Variants in SYT14 observed in about 807,000 individuals in gnomAD.
SYT14 encodes the protein synaptotagmin-14.
SYT14 carries 32 observed loss-of-function variants against 74.2 expected under a neutral mutation model. That is an observed-to-expected ratio of 0.43 (90% CI 0.33 to 0.58). SYT14 has a LOEUF of 0.58. Among genes scored for constraint, SYT14 ranks in the 20% least tolerant of loss-of-function variants. SYT14 has a pLI of 0.05. For synonymous variants in SYT14, 298 were observed against 337.7 expected (o/e 0.88, Z 1.29); for missense variants, 791 against 981.8 (o/e 0.81, Z 2.60).
intron 7 of SYT14, among the ~76,000 whole-genome samples, chr1:210,125,511 G>T (rs2102623600): frequency 6.6e-6 from 1 of 152,284 alleles, no homozygotes; most frequent in South Asian, 2.1e-4. Flanking sequence ...AACTAAGATA[G>T]TATGTTTTTT....
intron 2 of SYT14, among the ~76,000 whole-genome samples, chr1:210,004,889 T>G (rs1015954666): frequency 2.0e-5 from 3 of 152,030 alleles, no homozygotes; most frequent in Non-Finnish European, 4.4e-5. Flanking sequence ...TAGAATGATA[T>G]CATTTTGCAA....
intron 2 of SYT14, among the ~76,000 whole-genome samples, chr1:209,981,215 A>G (rs1461344896): frequency 6.6e-6 from 1 of 151,950 alleles, no homozygotes; most frequent in Admixed American, 6.6e-5. Flanking sequence ...TATAGGGTCT[A>G]TGGGCTATGT....
intron 5 of SYT14, among the ~76,000 whole-genome samples, chr1:210,059,451 T>TATATATATATATATATATATATAGAG (rs377050610): frequency 4.3e-5 from 3 of 69,892 alleles, no homozygotes; most frequent in African/African-American, 1.6e-4. Flanking sequence ...TATATATATA[T>TATATATATATATATATATATATAGAG]AGAGAGAGAG....
chr1:210,166,691 C>T (rs2083459440), exon 10 of SYT14: 1 of 152,088 alleles, frequency 6.6e-6, no homozygotes, highest in Non-Finnish European at 1.5e-5. Context: ...CAAAACTCCA[C>T]CTCCAGAGAT....
At chr1:210,088,782 A>G (rs1455791620) in intron 5 of SYT14, among the ~76,000 whole-genome samples, 1 of 151,904 alleles carries the variant, frequency 6.6e-6, no homozygotes, top group African/African-American at 2.4e-5. Context: ...CCTCCCCCCA[A>G]TATTTTATGC....
chr1:210,141,439 G>A (rs2082912656), intron 7 of SYT14, among the ~76,000 whole-genome samples: 1 of 152,100 alleles, frequency 6.6e-6, no homozygotes, highest in African/African-American at 2.4e-5. Context: ...TTTTCTTCAT[G>A]TGCATTTTAG....
intron 2 of SYT14, among the ~76,000 whole-genome samples, chr1:209,975,091 A>G (rs1484049019): frequency 2.0e-5 from 3 of 152,190 alleles, no homozygotes; most frequent in South Asian, 4.1e-4. Context: ...GAAGTTGCCT[A>G]TCGGCTTAAG....
chr1:210,127,290 A>G (rs766725126), intron 7 of SYT14, among the ~76,000 whole-genome samples: 4 of 152,174 alleles, frequency 2.6e-5, no homozygotes, highest in Non-Finnish European at 5.9e-5. Context: ...GGCTTGAGCA[A>G]TCTATAAGTG....
chr1:210,161,109 A>T (rs1427659774), exon 10 of SYT14: 4 of 1,528,772 alleles, frequency 2.6e-6, no homozygotes, highest in Non-Finnish European at 3.6e-6. Context: ...TACTGTTTCT[A>T]CCAAGTCCCA....
intron 2 of SYT14, among the ~76,000 whole-genome samples, chr1:209,967,907 G>A (rs956364798): frequency 6.6e-6 from 1 of 151,882 alleles, no homozygotes; most frequent in African/African-American, 2.4e-5. Flanking sequence ...TTATCAAGTA[G>A]CACATATCAT....
At chr1:209,942,985 A>G (rs1558082934) in intron 1 of SYT14, among the ~76,000 whole-genome samples, 2 of 152,132 alleles carry the variant, frequency 1.3e-5, no homozygotes, top group African/African-American at 4.8e-5. Context: ...CTACATACAT[A>G]TATTGTATTT....
intron 7 of SYT14, among the ~76,000 whole-genome samples, chr1:210,113,368 A>G (rs896569896): frequency 6.6e-6 from 1 of 151,184 alleles, no homozygotes; most frequent in Non-Finnish European, 1.5e-5. Context: ...GTTTGGCACC[A>G]TGAGGTGGAT....
At chr1:210,101,374 CT>C (rs1401895188) in intron 7 of SYT14, among the ~76,000 whole-genome samples, 1 of 151,954 alleles carries the variant, frequency 6.6e-6, no homozygotes, top group Non-Finnish European at 1.5e-5. Context: ...TTGTTTTGAG[CT>C]TTTAAATGTG....
intron 5 of SYT14, among the ~76,000 whole-genome samples, chr1:210,090,261 T>C (rs73072224): frequency 0.13 from 19,583 of 152,190 alleles, 3,970 homozygotes; most frequent in African/African-American, 0.43. Context: ...TTTATTCTCC[T>C]GCCTCATTTA....
At chr1:210,059,495 T>C (rs1248767559) in intron 5 of SYT14, among the ~76,000 whole-genome samples, 1 of 113,818 alleles carries the variant, frequency 8.8e-6, no homozygotes, top group South Asian at 2.8e-4. Context: ...GAGACATGAA[T>C]AGGATTACAT....
At chr1:210,056,366 G>C (rs1250998605) in intron 5 of SYT14, among the ~76,000 whole-genome samples, 2 of 152,118 alleles carry the variant, frequency 1.3e-5, no homozygotes, top group East Asian at 3.9e-4. Flanking sequence ...TTTCATTAAG[G>C]GGTTCTGTGG....
In SYT14 at chr1:210,021,032, CA is replaced by C; in HGVS notation, c.1097-4del. The C allele has an allele frequency of 6.2e-7, 1 of 1,613,294 alleles. No homozygotes were observed. Among genetic ancestry groups the C allele is most frequent in the Non-Finnish European group, 8.5e-7 (1 of 1,179,454 alleles). ...TTACCGTTTGTTCTTCATGTCATTC[CA>C]AATAGATAATTCCTACATGGACAAA... On this transcript the variant is annotated splice_region_variant and splice_polypyrimidine_tract_variant and intron_variant, in intron 4 of 9. Coordinates refer to ENST00000637265, the Ensembl canonical transcript of SYT14.
chr1:210,013,870 C>A, intron 3 of SYT14, 73 bp downstream of exon 3: 1 of 1,457,300 alleles, frequency 6.9e-7, no homozygotes, highest in Non-Finnish European at 9.3e-7. Context: ...TTAATATATG[C>A]AATAAAAAGG....
intron 4 of SYT14, among the ~76,000 whole-genome samples, chr1:210,017,631 GC>G (rs1252877710): frequency 1.3e-5 from 2 of 151,788 alleles, no homozygotes; most frequent in Non-Finnish European, 2.9e-5. Flanking sequence ...TTATATTACT[GC>G]CCTGTTTACA....
Sources: gnomAD v4.1 joint callset for allele counts (sites outside exome capture counted in the v4.1 genomes callset) on GRCh38, gnomAD v4.1.1 for gene constraint, MANE v1.5 for transcripts, NCBI Gene and HGNC (gene_info 2026-07-23, HGNC 2026-07-21) for gene names.